The following DENND11 variants were observed in gnomAD, a reference collection of about 807,000 sequenced individuals.
DENND11 encodes the protein DENN domain-containing protein 11.
Under a neutral mutation model 49.2 loss-of-function variants are expected in DENND11, and 34 were observed. The ratio of observed to expected loss-of-function variants is 0.69; its 90% confidence interval spans 0.53 to 0.92. DENND11 has a LOEUF of 0.92. Among genes scored for constraint, DENND11 ranks in the 40% least tolerant of loss-of-function variants. DENND11 has a pLI of 0.00. For missense variants in DENND11, 475 were observed against 581.6 expected (o/e 0.82, Z 1.88); for synonymous variants, 238 against 230.3 (o/e 1.03, Z -0.30).
intron 7 of DENND11, among the ~76,000 whole-genome samples, 198 bp from the exon 8 acceptor site, chr7:141,664,438 A>G (rs756021893): frequency 6.6e-6 from 1 of 152,136 alleles, no homozygotes; most frequent in Non-Finnish European, 1.5e-5. Flanking sequence ...GCAAGTAACA[A>G]TCTCCTAGTT....
At chr7:141,672,234 C>A (rs1378202075) in intron 4 of DENND11, among the ~76,000 whole-genome samples, 1 of 152,222 alleles carries the variant, frequency 6.6e-6, no homozygotes, top group Non-Finnish European at 1.5e-5. Flanking sequence ...GGAAGGGTGG[C>A]AGGCAGCCTC....
In DENND11 at chr7:141,701,929, GTCC is replaced by G; in HGVS notation, c.222_224del (p.Glu74del). ...TGACCACGAACACGGCCACCACCTG[GTCC>G]TCCTCCACGTCGCCCAGCTCCAGGC... On this transcript the variant is annotated inframe_deletion, in exon 1 of 9. Transcript: ENST00000536163. The G allele has an allele frequency of 2.5e-6, 3 of 1,209,840 alleles. No homozygotes were observed. Among genetic ancestry groups the G allele is most frequent in the South Asian group, 3.7e-5 (1 of 26,754 alleles). 74.9% of individuals were successfully genotyped at this position (1,209,840 alleles called of 1,614,324 possible).
Position 141,662,629 on chromosome 7 carries a change from AGT to A in DENND11, c.*25_*26del. The A allele has an allele frequency of 6.6e-7, 1 of 1,506,576 alleles. No individual in the cohort carries two copies. The highest frequency in any genetic ancestry group is 8.9e-7 in the Non-Finnish European group (1 of 1,127,878). The allele number at this position is 1,506,576 out of a possible 1,614,324, so 93.3% of individuals were successfully genotyped here. On this transcript the variant is annotated 3_prime_UTR_variant, in exon 9 of 9. Coordinates refer to ENST00000536163, the MANE Select transcript of DENND11 (RefSeq NM_001080392.2). ...TCCGGGCTGCTGACATCCCACGTGA[AGT>A]GGCTCCCAGTCCTGTTGGCTCCTCC...
At chr7:141,701,021 A>G (rs1374824058) in intron 1 of DENND11, among the ~76,000 whole-genome samples, 1 of 152,030 alleles carries the variant, frequency 6.6e-6, no homozygotes, top group African/African-American at 2.4e-5. Flanking sequence ...CGAACAGCAG[A>G]GCCACTCTCA....
chr7:141,697,984 C>CAG, intron 1 of DENND11, among the ~76,000 whole-genome samples: 1 of 152,192 alleles, frequency 6.6e-6, no homozygotes, highest in Non-Finnish European at 1.5e-5. Context: ...TGATCTGCCT[C>CAG]TCACCTTACC....
intron 1 of DENND11, among the ~76,000 whole-genome samples, chr7:141,690,544 A>T (rs1798310961): frequency 6.6e-6 from 1 of 152,236 alleles, no homozygotes. Context: ...CCCTGCAACA[A>T]ATTCCTTTAT....
intron 3 of DENND11, among the ~76,000 whole-genome samples, chr7:141,678,007 G>A (rs1798091968): frequency 6.6e-6 from 1 of 151,176 alleles, no homozygotes; most frequent in Non-Finnish European, 1.5e-5. Context: ...CTGTTGCCCA[G>A]GCTGGAGTGC....
At chr7:141,677,098 A>T (rs890880498) in intron 3 of DENND11, among the ~76,000 whole-genome samples, 1 of 152,154 alleles carries the variant, frequency 6.6e-6, no homozygotes, top group Non-Finnish European at 1.5e-5. Context: ...CCTTTGTGCG[A>T]CAATTACACT....
intron 1 of DENND11, among the ~76,000 whole-genome samples, chr7:141,697,584 G>A (rs1798436562): frequency 6.6e-6 from 1 of 152,040 alleles, no homozygotes; most frequent in Admixed American, 6.6e-5. Flanking sequence ...TCTTAAAATT[G>A]TCCTCCAAAT....
At chr7:141,663,003 A>G in intron 8 of DENND11, 152 bp from the exon 9 acceptor site, 3 of 557,854 alleles carry the variant, frequency 5.4e-6, no homozygotes, top group Non-Finnish European at 8.9e-6. Flanking sequence ...AAAAGAGTAA[A>G]AGTTAATTAT....
At chr7:141,695,878 G>A (rs1194653468) in intron 1 of DENND11, among the ~76,000 whole-genome samples, 2 of 152,210 alleles carry the variant, frequency 1.3e-5, no homozygotes, top group African/African-American at 4.8e-5. Context: ...AACTTCTGAG[G>A]AGGGATTCAC....
Position 141,673,227 on chromosome 7 carries a change from G to A in DENND11, c.681+840C>T, listed in dbSNP as rs573518931. ...CCCTTTATAAGCCTCGGTTGTTTTC[G>A]CTGGAAAACAAGGAATAAAAAAAAA... is the stretch of plus-strand genomic sequence containing the variant. On this transcript the variant is annotated intron_variant, in intron 4 of 8. Coordinates refer to ENST00000536163, the MANE Select transcript of DENND11 (RefSeq NM_001080392.2). Among the ~76,000 whole-genome samples, 7 of 151,376 alleles carry A rather than the reference G, an allele frequency of 4.6e-5. No homozygotes were observed. The South Asian group carries it at 6.3e-4, about 14-fold the overall frequency.
intron 3 of DENND11, among the ~76,000 whole-genome samples, chr7:141,679,549 C>T (rs935313332): frequency 2.0e-5 from 3 of 151,794 alleles, no homozygotes; most frequent in African/African-American, 7.3e-5. Context: ...CCCACCTCTA[C>T]TAAAAATACA....
rs767586734 is a variant in DENND11, at chr7:141,664,125, C to T, written c.1172+47G>A. 3.6e-5 allele frequency: 52 copies of T among 1,460,986 alleles called. No homozygotes were observed. In the East Asian group the frequency reaches 3.7e-4, roughly 10 times the overall value. 90.5% of individuals were successfully genotyped at this position (1,460,986 alleles called of 1,614,324 possible). On this transcript the variant is annotated intron_variant, in intron 8 of 8. Transcript: ENST00000536163. ...GGGAGGGATGCAGGTCACTCAGTGC[C>T]GAAGGGATCCTCAGGGAGACTCCAC...
At chr7:141,690,590 T>C (rs888321127) in intron 1 of DENND11, among the ~76,000 whole-genome samples, 35 of 152,214 alleles carry the variant, frequency 2.3e-4, no homozygotes, top group African/African-American at 8.4e-4. Flanking sequence ...TGATTGAACT[T>C]TGACCAACAC....
chr7:141,662,319 A>ACCACACAGACTTGT lies in DENND11; in HGVS notation c.*336_*337insACAAGTCTGTGTGG, dbSNP rs1562993673. On this transcript the variant is annotated 3_prime_UTR_variant, in exon 9 of 9. Transcript: ENST00000536163. ...TTCTCAAATACATCAAGGGACAAAG[A>ACCACACAGACTTGT]CCACACAGACTTTCTGAACAGTCCA... The ACCACACAGACTTGT allele has an allele frequency of 3.8e-6, 1 of 260,584 alleles. No individual in the cohort carries two copies. Among genetic ancestry groups the ACCACACAGACTTGT allele is most frequent in the East Asian group, 7.0e-5 (1 of 14,250 alleles). 16.1% of individuals were successfully genotyped at this position (260,584 alleles called of 1,614,324 possible).
chr7:141,695,020 C>T (rs1798390300), intron 1 of DENND11, among the ~76,000 whole-genome samples: 1 of 152,186 alleles, frequency 6.6e-6, no homozygotes, highest in Non-Finnish European at 1.5e-5. Flanking sequence ...TCCACATTTA[C>T]TAAGTATGTA....
intron 1 of DENND11, among the ~76,000 whole-genome samples, chr7:141,690,114 C>T (rs1226214844): frequency 5.9e-5 from 9 of 152,188 alleles, no homozygotes; most frequent in Non-Finnish European, 2.9e-5. Flanking sequence ...GTTATGTTTG[C>T]ATCTGTAAGG....
intron 1 of DENND11, among the ~76,000 whole-genome samples, chr7:141,689,829 T>G (rs997632176): frequency 1.3e-5 from 2 of 152,372 alleles, no homozygotes; most frequent in South Asian, 4.1e-4. Context: ...TTTTATGTCA[T>G]CCATGCTGAT....
Sources: gnomAD v4.1 joint callset for allele counts (sites outside exome capture counted in the v4.1 genomes callset) on GRCh38, gnomAD v4.1.1 for gene constraint, MANE v1.5 for transcripts, NCBI Gene and HGNC (gene_info 2026-07-23, HGNC 2026-07-21) for gene names.